IKZF2: variants seen among roughly 807,000 people sequenced by gnomAD.
The protein encoded by IKZF2 is IKAROS family zinc finger 2, also known as zinc finger protein Helios.
A neutral mutation model predicts 49.2 loss-of-function variants in IKZF2; 15 were observed. That is an observed-to-expected ratio of 0.30 (90% CI 0.20 to 0.47). The LOEUF (loss-of-function observed/expected upper bound fraction) is 0.47, where lower values mean the gene tolerates loss of function less well. IKZF2 is among the 20% of genes least tolerant of loss of function. IKZF2 has a pLI of 1.00. For synonymous variants in IKZF2, 227 were observed against 221.4 expected (o/e 1.03, Z -0.23); for missense variants, 567 against 664.6 (o/e 0.85, Z 1.61).
intron 4 of IKZF2, among the ~76,000 whole-genome samples, chr2:213,121,352 A>C (rs993966235): frequency 6.6e-6 from 1 of 152,236 alleles, no homozygotes; most frequent in Non-Finnish European, 1.5e-5. Flanking sequence ...AAGCGCATTT[A>C]AAATGTTGAG....
At chr2:213,011,548 ATAT>A (rs1398811477) in intron 8 of IKZF2, among the ~76,000 whole-genome samples, 1 of 152,064 alleles carries the variant, frequency 6.6e-6, no homozygotes, top group African/African-American at 2.4e-5. Context: ...AGAATTGGTA[ATAT>A]TATGTTGAAA....
At chr2:213,055,735 A>G (rs1701086038) in intron 5 of IKZF2, among the ~76,000 whole-genome samples, 1 of 152,118 alleles carries the variant, frequency 6.6e-6, no homozygotes, top group Non-Finnish European at 1.5e-5. Context: ...ATAATGGACA[A>G]ATCACTTGAC....
intron 4 of IKZF2, among the ~76,000 whole-genome samples, chr2:213,101,695 AT>A (rs1706691489): frequency 2.0e-5 from 3 of 152,316 alleles, no homozygotes; most frequent in Admixed American, 2.0e-4. Context: ...TATCAAATGA[AT>A]AATCCAGCAC....
chr2:213,108,091 A>G (rs2059591745), intron 4 of IKZF2, among the ~76,000 whole-genome samples: 1 of 152,154 alleles, frequency 6.6e-6, no homozygotes, highest in East Asian at 1.9e-4. Context: ...AGCAACCCAC[A>G]AGGCATTATC....
intron 4 of IKZF2, 23 bp from the exon 5 acceptor site, chr2:213,057,122 T>C: frequency 1.3e-6 from 2 of 1,595,424 alleles, no homozygotes; most frequent in South Asian, 2.2e-5. Flanking sequence ...AAGAAGAAAA[T>C]AAATTTTAAA....
intron 4 of IKZF2, among the ~76,000 whole-genome samples, chr2:213,059,722 T>C (rs1701499537): frequency 6.6e-6 from 1 of 151,526 alleles, no homozygotes; most frequent in Non-Finnish European, 1.5e-5. Flanking sequence ...ATGAAGAATA[T>C]GACTGACATT....
At chr2:213,040,929 C>A (rs1193077738) in intron 6 of IKZF2, among the ~76,000 whole-genome samples, 4 of 152,014 alleles carry the variant, frequency 2.6e-5, no homozygotes, top group African/African-American at 9.7e-5. Context: ...ACCAGCCTGG[C>A]CAACACGGTG....
At chr2:213,016,141 T>C (rs1345443400) in intron 7 of IKZF2, among the ~76,000 whole-genome samples, 1 of 152,148 alleles carries the variant, frequency 6.6e-6, no homozygotes, top group African/African-American at 2.4e-5. Context: ...TAATAATAAC[T>C]GACGTATACT....
intron 4 of IKZF2, among the ~76,000 whole-genome samples, chr2:213,114,400 T>C (rs1465180051): frequency 6.6e-6 from 1 of 152,202 alleles, no homozygotes; most frequent in Non-Finnish European, 1.5e-5. Flanking sequence ...CCTTTCCTAT[T>C]TCTTCCATTT....
chr2:213,090,867 C>A (rs1265681896), intron 4 of IKZF2, among the ~76,000 whole-genome samples: 2 of 152,154 alleles, frequency 1.3e-5, no homozygotes, highest in East Asian at 3.9e-4. Context: ...CTGCTTACAC[C>A]TTAATCTCAG....
chr2:213,059,211 T>C (rs1701453195), intron 4 of IKZF2, among the ~76,000 whole-genome samples: 1 of 151,756 alleles, frequency 6.6e-6, no homozygotes, highest in Non-Finnish European at 1.5e-5. Context: ...TTCTATCAGG[T>C]TGTCAGTCTT....
At chr2:213,125,341 C>G (rs988320315) in intron 4 of IKZF2, among the ~76,000 whole-genome samples, 1 of 152,122 alleles carries the variant, frequency 6.6e-6, no homozygotes, top group Non-Finnish European at 1.5e-5. Flanking sequence ...CTCCCAGACA[C>G]TGAAGCAGAA....
chr2:213,127,705 A>C (rs2125875090), intron 4 of IKZF2, among the ~76,000 whole-genome samples: 1 of 152,342 alleles, frequency 6.6e-6, no homozygotes, highest in East Asian at 1.9e-4. Context: ...AAGTAATTTG[A>C]AATCAATAAC....
intron 6 of IKZF2, among the ~76,000 whole-genome samples, chr2:213,029,139 G>A (rs187480955): frequency 3.9e-4 from 60 of 152,026 alleles, no homozygotes; most frequent in Middle Eastern, 3.4e-3. Context: ...TTCTTGTAAT[G>A]TCTTTGATTT....
At chr2:213,121,563 T>A (rs907705054) in intron 4 of IKZF2, among the ~76,000 whole-genome samples, 1 of 152,236 alleles carries the variant, frequency 6.6e-6, no homozygotes, top group Non-Finnish European at 1.5e-5. Flanking sequence ...TAACATTCAT[T>A]GAGTTGCTAT....
At chr2:213,074,819 T>A (rs1314276484) in intron 4 of IKZF2, among the ~76,000 whole-genome samples, 1 of 152,176 alleles carries the variant, frequency 6.6e-6, no homozygotes, top group Non-Finnish European at 1.5e-5. Context: ...TCTATAAAAA[T>A]TTGATTCATC....
At position 213,005,303 on chromosome 2, in the gene IKZF2, A is replaced by C. The variant is rs1251540678; in HGVS notation, c.*2057T>G. On this transcript the variant is annotated 3_prime_UTR_variant, in exon 9 of 9. Transcript: ENST00000434687. ...AAATGAAATGGTTGACATTCTATAT[A>C]TCTCTGTTTTGGTGCATTCCCTTAG... 1.3e-5 allele frequency: 2 copies of C among 151,314 alleles called. No homozygotes were observed. Among genetic ancestry groups the C allele is most frequent in the Admixed American group, 1.3e-4 (2 of 15,044 alleles). The allele number at this position is 151,314 out of a possible 1,614,324, so 9.4% of individuals were successfully genotyped here.
At chr2:213,076,856 C>A (rs773996594) in intron 4 of IKZF2, among the ~76,000 whole-genome samples, 4 of 152,126 alleles carry the variant, frequency 2.6e-5, no homozygotes, top group African/African-American at 9.7e-5. Flanking sequence ...GAGCGGAGAT[C>A]GCGCCACTGC....
At chr2:213,086,688 G>A (rs532389283) in intron 4 of IKZF2, among the ~76,000 whole-genome samples, 4 of 152,248 alleles carry the variant, frequency 2.6e-5, no homozygotes, top group East Asian at 3.9e-4. Flanking sequence ...CCTCCAAACA[G>A]TCAGGCACTA....
Sources: allele counts gnomAD v4.1 joint callset (sites outside exome capture counted in the v4.1 genomes callset), GRCh38; gene constraint gnomAD v4.1.1; transcripts MANE v1.5; gene names NCBI Gene and HGNC (gene_info 2026-07-23, HGNC 2026-07-21).